The following PLD5 variants were observed in gnomAD, a reference collection of about 807,000 sequenced individuals.
PLD5 encodes the protein inactive phospholipase D5.
In PLD5, 36 loss-of-function variants were observed where a neutral mutation model predicts 61.1. That is an observed-to-expected ratio of 0.59 (90% CI 0.45 to 0.78). The LOEUF (loss-of-function observed/expected upper bound fraction) is 0.78, where lower values mean the gene tolerates loss of function less well. Among genes scored for constraint, PLD5 ranks in the 30% least tolerant of loss-of-function variants. The probability of loss-of-function intolerance (pLI) is 0.00; values close to 1 mark genes in which losing one functional copy is unlikely to be tolerated. For missense variants in PLD5, 515 were observed against 644.4 expected (o/e 0.80, Z 2.17); for synonymous variants, 243 against 242.8 (o/e 1.00, Z -0.01).
At chr1:242,237,455 T>C (rs1671709287) in intron 4 of PLD5, among the ~76,000 whole-genome samples, 1 of 152,194 alleles carries the variant, frequency 6.6e-6, no homozygotes, top group Admixed American at 6.5e-5. Context: ...TTTCAGCTTT[T>C]CTCCTGCACA....
In PLD5 at chr1:242,257,258, C is replaced by T. The variant is rs1175720727; in HGVS notation, c.607+8079G>A. Among the ~76,000 whole-genome samples, 3 of 152,118 alleles carry T rather than the reference C, an allele frequency of 2.0e-5. No homozygotes were observed. The East Asian group carries it at 5.8e-4, about 29-fold the overall frequency. ...TTGTAAAAAAAAGTTTTGTTATCAG[C>T]TCCTTAAAGTTATCACAAAACATAT... On this transcript the variant is annotated intron_variant, in intron 4 of 9. Transcript: ENST00000536534.
At chr1:242,415,261 C>T (rs1339228777) in intron 1 of PLD5, among the ~76,000 whole-genome samples, 4 of 152,058 alleles carry the variant, frequency 2.6e-5, no homozygotes, top group African/African-American at 9.7e-5. Context: ...AAAATTGATG[C>T]CCAAGAGTCA....
chr1:242,087,782 C>G lies in PLD5; in HGVS notation c.*2072G>C, dbSNP rs1431318169. The G allele has an allele frequency of 6.6e-6, 1 of 152,170 alleles. No homozygotes were observed. Among genetic ancestry groups the G allele is most frequent in the Non-Finnish European group, 1.5e-5 (1 of 68,040 alleles). 9.4% of individuals were successfully genotyped at this position (152,170 alleles called of 1,614,324 possible). On this transcript the variant is annotated 3_prime_UTR_variant, in exon 10 of 10. Coordinates refer to ENST00000536534, the MANE Select transcript of PLD5 (RefSeq NM_001372062.1). ...AAAATCATCACCAAAGCCACGTTTACTTTATTGGGATAACTGGCAGAGTTA... is the reference window on the plus strand; with the variant it reads ...AAAATCATCACCAAAGCCACGTTTAGTTTATTGGGATAACTGGCAGAGTTA...
At chr1:242,268,575 T>C (rs935694870) in intron 3 of PLD5, among the ~76,000 whole-genome samples, 6 of 152,168 alleles carry the variant, frequency 3.9e-5, no homozygotes, top group Non-Finnish European at 5.9e-5. Flanking sequence ...TTATTTTTAC[T>C]TTTAGTATGT....
At chr1:242,133,520 C>CA (rs761008941) in intron 5 of PLD5, among the ~76,000 whole-genome samples, 2 of 152,230 alleles carry the variant, frequency 1.3e-5, no homozygotes, top group Admixed American at 6.5e-5. Flanking sequence ...AGAACCTGGA[C>CA]ACCCTCCACT....
intron 1 of PLD5, among the ~76,000 whole-genome samples, chr1:242,380,325 C>T (rs1662204225): frequency 6.6e-6 from 1 of 152,166 alleles, no homozygotes; most frequent in African/African-American, 2.4e-5. Flanking sequence ...AACAACACCG[C>T]ATAGCTATTG....
At chr1:242,294,480 G>T (rs12128407) in intron 2 of PLD5, among the ~76,000 whole-genome samples, 8,665 of 152,208 alleles carry the variant, frequency 0.057, 290 homozygotes, top group Middle Eastern at 0.11. Flanking sequence ...AGCTTTAAGT[G>T]CTGTGTGTGT....
chr1:242,417,014 T>A (rs1664868257), intron 1 of PLD5, among the ~76,000 whole-genome samples: 1 of 151,944 alleles, frequency 6.6e-6, no homozygotes, highest in South Asian at 2.1e-4. Flanking sequence ...TTAAAAAAAA[T>A]CTATAAAATA....
intron 5 of PLD5, among the ~76,000 whole-genome samples, chr1:242,206,050 GA>G (rs1669294818): frequency 6.6e-6 from 1 of 152,204 alleles, no homozygotes; most frequent in Non-Finnish European, 1.5e-5. Flanking sequence ...GTTATTGTCA[GA>G]AATAGCAGCT....
chr1:242,428,666 T>C (rs1665559175), intron 1 of PLD5, among the ~76,000 whole-genome samples: 1 of 152,108 alleles, frequency 6.6e-6, no homozygotes, highest in African/African-American at 2.4e-5. Context: ...CTTCCTACCC[T>C]ATATTTTTTT....
intron 2 of PLD5, among the ~76,000 whole-genome samples, chr1:242,305,709 G>A (rs529080851): frequency 3.9e-4 from 59 of 152,164 alleles, no homozygotes; most frequent in Non-Finnish European, 6.3e-4. Context: ...CTACAGGTGC[G>A]TGCCACCATG....
At chr1:242,276,176 A>C (rs944976058) in intron 3 of PLD5, among the ~76,000 whole-genome samples, 5 of 151,388 alleles carry the variant, frequency 3.3e-5, no homozygotes, top group African/African-American at 1.2e-4. Context: ...ATTTCTAAAA[A>C]TATTTAAAAA....
At chr1:242,276,965 T>C (rs1394339651) in intron 3 of PLD5, among the ~76,000 whole-genome samples, 3 of 152,006 alleles carry the variant, frequency 2.0e-5, no homozygotes, top group Non-Finnish European at 4.4e-5. Context: ...GAGAGATGAA[T>C]ATGCTCATCA....
intron 5 of PLD5, among the ~76,000 whole-genome samples, chr1:242,199,404 G>A (rs543663410): frequency 7.2e-4 from 110 of 152,000 alleles, no homozygotes; most frequent in Middle Eastern, 3.4e-3. Context: ...ACAGGCGCCC[G>A]CCACCACGCC....
intron 1 of PLD5, among the ~76,000 whole-genome samples, chr1:242,410,696 T>C (rs1664499455): frequency 6.6e-6 from 1 of 152,154 alleles, no homozygotes; most frequent in Non-Finnish European, 1.5e-5. Context: ...TTGCGTTCCA[T>C]TATTGGAACA....
chr1:242,332,927 G>A (rs1327845228), intron 2 of PLD5, among the ~76,000 whole-genome samples: 1 of 152,186 alleles, frequency 6.6e-6, no homozygotes, highest in Non-Finnish European at 1.5e-5. Flanking sequence ...CCCAGGACAG[G>A]TACCTCACAG....
intron 1 of PLD5, among the ~76,000 whole-genome samples, chr1:242,363,053 A>G (rs1311606794): frequency 6.6e-6 from 1 of 152,174 alleles, no homozygotes; most frequent in Non-Finnish European, 1.5e-5. Context: ...CCAGAGAGAG[A>G]AAAATCCTCA....
chr1:242,489,404 T>A (rs1572232554), intron 1 of PLD5, among the ~76,000 whole-genome samples: 3 of 140,826 alleles, frequency 2.1e-5, no homozygotes, highest in Admixed American at 7.1e-5. Flanking sequence ...AAAACAGAGA[T>A]GCTGCAACCA....
At chr1:242,449,901 C>T (rs142499610) in intron 1 of PLD5, among the ~76,000 whole-genome samples, 3 of 152,300 alleles carry the variant, frequency 2.0e-5, no homozygotes, top group East Asian at 1.9e-4. Flanking sequence ...GCTCGGTCAT[C>T]GGTGGGTGTT....
Sources: gnomAD v4.1 joint callset for allele counts (sites outside exome capture counted in the v4.1 genomes callset) on GRCh38, gnomAD v4.1.1 for gene constraint, MANE v1.5 for transcripts, NCBI Gene and HGNC (gene_info 2026-07-23, HGNC 2026-07-21) for gene names.